Variants in ACOXL observed in about 807,000 individuals in gnomAD.
ACOXL encodes acyl-coenzyme A oxidase-like protein.
Under a neutral mutation model 71.9 loss-of-function variants are expected in ACOXL, and 70 were observed. That is an observed-to-expected ratio of 0.97 (90% CI 0.80 to 1.19). The LOEUF is 1.19. ACOXL is among the 50% of genes most tolerant of loss of function. ACOXL has a pLI of 0.00. For missense variants in ACOXL, 703 were observed against 736.3 expected (o/e 0.95, Z 0.52); for synonymous variants, 253 against 281.6 (o/e 0.90, Z 1.02).
intron 12 of ACOXL, among the ~76,000 whole-genome samples, chr2:110,967,587 A>G (rs1044621942): frequency 6.6e-6 from 1 of 152,210 alleles, no homozygotes; most frequent in African/African-American, 2.4e-5. Context: ...ATATATTACA[A>G]ATTTTTACAT....
At chr2:110,928,942 C>A (rs928538243) in intron 11 of ACOXL, among the ~76,000 whole-genome samples, 4 of 152,234 alleles carry the variant, frequency 2.6e-5, no homozygotes, top group African/African-American at 9.6e-5. Flanking sequence ...GAGGCCTTCC[C>A]AGCCACACGG....
At chr2:110,825,148 A>T (rs183584264) in intron 9 of ACOXL, among the ~76,000 whole-genome samples, 467 of 152,288 alleles carry the variant, frequency 3.1e-3, no homozygotes, top group Non-Finnish European at 4.9e-3. Context: ...TAGGGGATCT[A>T]CTTCTTCTAA....
At chr2:110,910,053 A>G (rs981025750) in intron 11 of ACOXL, among the ~76,000 whole-genome samples, 4 of 152,172 alleles carry the variant, frequency 2.6e-5, no homozygotes, top group Non-Finnish European at 4.4e-5. Context: ...TTTGACGCAC[A>G]TATACTCTTC....
chr2:110,953,171 G>A (rs889467018), intron 12 of ACOXL, among the ~76,000 whole-genome samples: 1 of 152,108 alleles, frequency 6.6e-6, no homozygotes, highest in Non-Finnish European at 1.5e-5. Flanking sequence ...GGGACACTGG[G>A]AGTTTAAGCA....
At chr2:110,883,178 C>T (rs189072678) in intron 10 of ACOXL, among the ~76,000 whole-genome samples, 61 of 140,808 alleles carry the variant, frequency 4.3e-4, no homozygotes, top group African/African-American at 1.5e-3. Context: ...GACACCATCT[C>T]GGCTCATTGC....
At chr2:110,827,270 C>T (rs1364917993) in intron 9 of ACOXL, among the ~76,000 whole-genome samples, 3 of 152,210 alleles carry the variant, frequency 2.0e-5, no homozygotes, top group East Asian at 1.9e-4. Context: ...AAAAGAGGGA[C>T]GGATAAAAGC....
At chr2:110,741,422 C>A (rs1228357505) in intron 1 of ACOXL, among the ~76,000 whole-genome samples, 1 of 152,076 alleles carries the variant, frequency 6.6e-6, no homozygotes, top group East Asian at 1.9e-4. Context: ...CCCTCTGTAC[C>A]TGTCTGTCTT....
chr2:110,777,221 G>A (rs1443735043), intron 2 of ACOXL, among the ~76,000 whole-genome samples: 2 of 152,172 alleles, frequency 1.3e-5, no homozygotes, highest in African/African-American at 4.8e-5. Flanking sequence ...CCATAAGGCT[G>A]GAGGGATCCC....
intron 10 of ACOXL, among the ~76,000 whole-genome samples, chr2:110,846,636 T>TAAACGCAC (rs1553562176): frequency 4.5e-5 from 2 of 44,836 alleles, no homozygotes; most frequent in African/African-American, 1.4e-4. Flanking sequence ...CAAGTATGCA[T>TAAACGCAC]ACACGCACAC....
rs530971968 is a variant in ACOXL, at chr2:110,750,922, C to T, written c.-22-17446C>T. On this transcript the variant is annotated intron_variant, in intron 1 of 17. Transcript: ENST00000439055. ...CTGATCTTGAACTCCTCAGCTCAAA[C>T]GATTCGCCTGCCTTGGCCTCCCAAA... Among the ~76,000 whole-genome samples, 9 of 152,142 alleles carry T rather than the reference C, an allele frequency of 5.9e-5. No individual in the cohort carries two copies. In the East Asian group the frequency reaches 7.8e-4, roughly 13 times the overall value.
intron 12 of ACOXL, among the ~76,000 whole-genome samples, chr2:110,945,286 G>T (rs950452771): frequency 6.6e-6 from 1 of 151,864 alleles, no homozygotes; most frequent in Non-Finnish European, 1.5e-5. Context: ...CCATTCTGTA[G>T]GTTGTCTGTT....
At chr2:110,753,915 TA>T (rs1436629958) in intron 1 of ACOXL, among the ~76,000 whole-genome samples, 1 of 152,178 alleles carries the variant, frequency 6.6e-6, no homozygotes, top group African/African-American at 2.4e-5. Context: ...GCCATTTGAG[TA>T]GGTGCATATT....
chr2:110,793,133 C>T (rs1446017697), intron 3 of ACOXL, among the ~76,000 whole-genome samples: 4 of 152,186 alleles, frequency 2.6e-5, no homozygotes, highest in Non-Finnish European at 5.9e-5. Flanking sequence ...TGTCCAAGAT[C>T]CTGCAGCCGG....
chr2:110,861,742 A>T (rs1693981374), intron 10 of ACOXL, among the ~76,000 whole-genome samples: 1 of 152,102 alleles, frequency 6.6e-6, no homozygotes, highest in African/African-American at 2.4e-5. Flanking sequence ...TGTCTGAAAA[A>T]CTTGGAATTA....
Position 110,980,404 on chromosome 2 carries a change from TGTG to T in ACOXL, c.1060-6700_1060-6698del, listed in dbSNP as rs371011105. Among the ~76,000 whole-genome samples the T allele has an allele frequency of 2.8e-3, 420 of 152,286 alleles. 2 individuals are homozygous for T. The highest frequency in any genetic ancestry group is 9.5e-3 in the African/African-American group (396 of 41,546). ...AAATGTGTGCAGGGGACTGATGTCATGTGGTGCAGGTGTGTGGGATGGGAAGCG... is the reference window on the plus strand; with the variant it reads ...AAATGTGTGCAGGGGACTGATGTCATGTGCAGGTGTGTGGGATGGGAAGCG... On this transcript the variant is annotated intron_variant, in intron 12 of 17. Coordinates refer to ENST00000439055, the MANE Select transcript of ACOXL (RefSeq NM_001142807.4).
chr2:111,118,184 T>G lies in ACOXL; in HGVS notation c.*368T>G. The G allele has an allele frequency of 3.8e-5, 12 of 317,620 alleles. No individual in the cohort carries two copies. The highest frequency in any genetic ancestry group is 1.3e-4 in the East Asian group (2 of 15,286). 19.7% of individuals were successfully genotyped at this position (317,620 alleles called of 1,614,324 possible). On this transcript the variant is annotated 3_prime_UTR_variant, in exon 18 of 18. Coordinates refer to ENST00000439055, the MANE Select transcript of ACOXL (RefSeq NM_001142807.4). Reference sequence around the variant, plus strand: ...CTCCTGCTGTTAGCGGTGACTCACATTCCCAGTGATTTAGAAAAACTGTGG... The same window carrying G: ...CTCCTGCTGTTAGCGGTGACTCACAGTCCCAGTGATTTAGAAAAACTGTGG...
At chr2:111,076,694 A>C (rs562344158) in intron 16 of ACOXL, among the ~76,000 whole-genome samples, 84 of 152,290 alleles carry the variant, frequency 5.5e-4, no homozygotes, top group African/African-American at 2.0e-3. Context: ...CTACTGTAAC[A>C]AACTACTGCA....
chr2:110,741,919 G>C (rs1466113066), intron 1 of ACOXL, among the ~76,000 whole-genome samples: 1 of 152,218 alleles, frequency 6.6e-6, no homozygotes, highest in Non-Finnish European at 1.5e-5. Context: ...CGGTGAGAGA[G>C]GAGAGAGGCG....
At chr2:110,766,879 C>T (rs965034471) in intron 1 of ACOXL, among the ~76,000 whole-genome samples, 1 of 152,196 alleles carries the variant, frequency 6.6e-6, no homozygotes, top group Non-Finnish European at 1.5e-5. Context: ...ACTTGGCCCA[C>T]CAAGGTGTGC....
Sources: gnomAD v4.1 joint callset for allele counts (sites outside exome capture counted in the v4.1 genomes callset) on GRCh38, gnomAD v4.1.1 for gene constraint, MANE v1.5 for transcripts, NCBI Gene and HGNC (gene_info 2026-07-23, HGNC 2026-07-21) for gene names.